The following SPOP variants were observed in gnomAD, a reference collection of about 807,000 sequenced individuals.
SPOP encodes the protein speckle-type POZ protein.
In SPOP, 11 loss-of-function variants were observed where a neutral mutation model predicts 45.6. The observed-to-expected ratio is 0.24, with a 90% CI of 0.15 to 0.40. SPOP has a LOEUF of 0.40. Ranked by LOEUF, SPOP falls within the 10% of genes least tolerant of loss-of-function variation. The pLI, the probability that SPOP is intolerant of heterozygous loss-of-function variation, is 1.00. For missense variants in SPOP, 152 were observed against 465.6 expected (o/e 0.33, Z 6.20); for synonymous variants, 166 against 166.3 (o/e 1.00, Z 0.01).
chr17:49,612,752 G>A (rs969537293), intron 5 of SPOP: 3 of 152,194 alleles, frequency 2.0e-5, no homozygotes, highest in African/African-American at 4.8e-5. Flanking sequence ...TGTTAGAAAA[G>A]TTAAATTCAA....
At chr17:49,644,954 G>A (rs1399487377) in intron 1 of SPOP, among the ~76,000 whole-genome samples, 1 of 152,136 alleles carries the variant, frequency 6.6e-6, no homozygotes, top group East Asian at 1.9e-4. Context: ...TTAGCTGACA[G>A]TGTCACAGTC....
rs1343877259 is a variant in SPOP at position 49,619,498 on chromosome 17, A to C, written c.201-113T>G. On this transcript the variant is annotated intron_variant, in intron 3 of 9. Transcript: ENST00000504102. The surrounding 1 kb of genome is among the most constrained non-coding windows in gnomAD (Gnocchi z 4.9). Reference sequence around the variant, plus strand: ...AAAACAAATGCAGGCCCCATAGAAGAATATAATTCAGTAGAATGACTAGTT... The same window carrying C: ...AAAACAAATGCAGGCCCCATAGAAGCATATAATTCAGTAGAATGACTAGTT... 10 of 1,200,522 alleles carry C rather than the reference A, an allele frequency of 8.3e-6. No individual in the cohort carries two copies. Among genetic ancestry groups the C allele is most frequent in the African/African-American group, 1.5e-5 (1 of 64,894 alleles). 74.4% of individuals were successfully genotyped at this position (1,200,522 alleles called of 1,614,324 possible).
intron 1 of SPOP, among the ~76,000 whole-genome samples, chr17:49,631,180 C>G (rs1165380860): frequency 6.6e-6 from 1 of 152,174 alleles, no homozygotes; most frequent in African/African-American, 2.4e-5. Context: ...AGGTTTTTCA[C>G]TGTGGGGACT....
At chr17:49,628,926 G>A (rs1290671642) in intron 1 of SPOP, among the ~76,000 whole-genome samples, 2 of 152,076 alleles carry the variant, frequency 1.3e-5, no homozygotes, top group Admixed American at 6.6e-5. Flanking sequence ...CAGCCTGCCT[G>A]GAACTCAAGG....
intron 1 of SPOP, among the ~76,000 whole-genome samples, chr17:49,639,911 C>A (rs2072614203): frequency 6.6e-6 from 1 of 152,048 alleles, no homozygotes; most frequent in Admixed American, 6.6e-5. Context: ...TTAATCCTTA[C>A]ATTATACAGT....
intron 1 of SPOP, among the ~76,000 whole-genome samples, chr17:49,641,522 T>A: frequency 6.6e-6 from 1 of 151,414 alleles, no homozygotes. Context: ...ATGTTTTCTT[T>A]TAGATTCCCG....
intron 1 of SPOP, among the ~76,000 whole-genome samples, chr17:49,655,633 T>G (rs2072899221): frequency 6.6e-6 from 1 of 152,174 alleles, no homozygotes; most frequent in African/African-American, 2.4e-5. Context: ...TTACGTAGCC[T>G]GGACATAGAT....
intron 1 of SPOP, among the ~76,000 whole-genome samples, chr17:49,666,955 G>A (rs1360896618): frequency 1.3e-5 from 2 of 151,956 alleles, no homozygotes; most frequent in Non-Finnish European, 2.9e-5. Flanking sequence ...AAGGTGGGTG[G>A]ATCACCTGAG....
At chr17:49,645,453 CCA>C (rs1476913511) in intron 1 of SPOP, among the ~76,000 whole-genome samples, 1 of 152,006 alleles carries the variant, frequency 6.6e-6, no homozygotes, top group Non-Finnish European at 1.5e-5. Context: ...GCACGTGCCA[CCA>C]CACCCAACTA....
At chr17:49,646,213 C>T (rs1039359619) in intron 1 of SPOP, 10 of 152,156 alleles carry the variant, frequency 6.6e-5, no homozygotes, top group East Asian at 3.8e-4. Flanking sequence ...TTAAAATAGG[C>T]CACTATAGTT....
At chr17:49,648,984 C>T (rs2072801241) in intron 1 of SPOP, among the ~76,000 whole-genome samples, 1 of 152,010 alleles carries the variant, frequency 6.6e-6, no homozygotes, top group African/African-American at 2.4e-5. Context: ...GTCTTGATCT[C>T]CTGACCCCAT....
intron 1 of SPOP, among the ~76,000 whole-genome samples, chr17:49,624,319 A>ACG (rs551185712): frequency 0.056 from 6,691 of 118,544 alleles, 181 homozygotes; most frequent in Middle Eastern, 0.12. Flanking sequence ...ACACACACAC[A>ACG]CGCGCGCGCG....
intron 5 of SPOP, chr17:49,618,616 C>T: frequency 2.2e-6 from 1 of 459,366 alleles, no homozygotes. Flanking sequence ...ATGGCCCTCA[C>T]ACTTAAGGAG....
chr17:49,599,154 C>T lies in SPOP; in HGVS notation c.*1224G>A, dbSNP rs960470057. 6 of 214,354 alleles carry T rather than the reference C, an allele frequency of 2.8e-5. No homozygotes were observed. The highest frequency in any genetic ancestry group is 1.9e-4 in the South Asian group (1 of 5,374). The allele number at this position is 214,354 out of a possible 1,614,324, so 13.3% of individuals were successfully genotyped here. A position where few individuals can be genotyped will look rare whatever the true frequency, so the allele number is the denominator to read the frequency against. ...ATTACGGAGTCTCAACAAATCCCTG[C>T]GACTCATTAGGCATTTCAGACATAA... On this transcript the variant is annotated 3_prime_UTR_variant, in exon 10 of 10. Coordinates refer to ENST00000504102, the MANE Select transcript of SPOP (RefSeq NM_001007228.2).
At chr17:49,670,757 G>C (rs916518369) in intron 1 of SPOP, among the ~76,000 whole-genome samples, 68 of 152,310 alleles carry the variant, frequency 4.5e-4, no homozygotes, top group African/African-American at 1.6e-3. Context: ...ATTCAGCACT[G>C]TTCCAGACCC....
intron 1 of SPOP, among the ~76,000 whole-genome samples, chr17:49,641,994 C>A (rs1462724389): frequency 1.3e-5 from 2 of 151,868 alleles, no homozygotes; most frequent in East Asian, 3.9e-4. Flanking sequence ...CCACTGCACT[C>A]CAGCCTGGGT....
intron 1 of SPOP, among the ~76,000 whole-genome samples, chr17:49,673,509 AAAAAT>A (rs1227331855): frequency 1.3e-5 from 2 of 152,156 alleles, no homozygotes; most frequent in Admixed American, 6.6e-5. Flanking sequence ...CTGTCTCAGA[AAAAAT>A]AAAATAAAAT....
At position 49,665,966 on chromosome 17, in the gene SPOP, G is replaced by A. The variant is rs534181560; in HGVS notation, c.-67+11967C>T. On this transcript the variant is annotated intron_variant, in intron 1 of 9. Coordinates refer to ENST00000504102, the MANE Select transcript of SPOP (RefSeq NM_001007228.2). The stretch of plus-strand genomic sequence containing the variant: ...TGCACTCCAGCCTAGGCAACAGGGC[G>A]AGACTCCATCTCAAAAAAAAAAAAA... Among the ~76,000 whole-genome samples, 10 of 144,812 alleles carry A rather than the reference G, an allele frequency of 6.9e-5. 1 individual carries two copies. The highest frequency in any genetic ancestry group is 2.0e-4 in the East Asian group (1 of 5,020).
At chr17:49,647,677 C>T (rs1227310273) in intron 1 of SPOP, among the ~76,000 whole-genome samples, 1 of 152,060 alleles carries the variant, frequency 6.6e-6, no homozygotes, top group Non-Finnish European at 1.5e-5. Flanking sequence ...GACGGGGTTT[C>T]ACAGTGTTGG....
Sources: gnomAD v4.1 joint callset for allele counts (sites outside exome capture counted in the v4.1 genomes callset) on GRCh38, gnomAD v4.1.1 for gene constraint, Gnocchi (gnomAD v3.1) non-coding constraint, MANE v1.5 for transcripts, NCBI Gene and HGNC (gene_info 2026-07-23, HGNC 2026-07-21) for gene names.